ATF3: variants seen among roughly 807,000 people sequenced by gnomAD.
The protein encoded by ATF3 is activating transcription factor 3, also known as cyclic AMP-dependent transcription factor ATF-3.
ATF3 carries 10 observed loss-of-function variants against 18.4 expected under a neutral mutation model. That is an observed-to-expected ratio of 0.54 (90% CI 0.34 to 0.92). ATF3 has a LOEUF of 0.92. Ranked by LOEUF, ATF3 falls within the 40% of genes least tolerant of loss-of-function variation. The pLI is 0.02. For missense variants in ATF3, 183 were observed against 222.3 expected (o/e 0.82, Z 1.12); for synonymous variants, 78 against 87.9 (o/e 0.89, Z 0.63).
chr1:212,618,209 A>G lies in ATF3; in HGVS notation c.323A>G (p.Lys108Arg). The G allele has an allele frequency of 6.2e-7, 1 of 1,614,136 alleles. No individual in the cohort carries two copies. The highest frequency in any genetic ancestry group is 8.5e-7 in the Non-Finnish European group (1 of 1,179,970). Residue 108 changes from lysine (K) to arginine (R), a missense_variant, in exon 3 of 4, where the codon AAG becomes AGG. Lys to Arg is a conservative substitution (Grantham distance 26). Transcript: ENST00000341491. The surrounding 1 kb of genome is among the most constrained non-coding windows in gnomAD (Gnocchi z 4.4). The part of the protein sequence containing the change: ...IAAAKCRNKK[K>R]EKTECLQKES... ...GCTGCAAAGTGCCGAAACAAGAAGA[A>G]GGAGAAGACGGAGTGCCTGCAGAAA... is the stretch of plus-strand genomic sequence containing the variant.
chr1:212,571,190 T>A (rs184987634), intron 1 of ATF3, among the ~76,000 whole-genome samples: 49 of 152,338 alleles, frequency 3.2e-4, no homozygotes, highest in Non-Finnish European at 4.9e-4. Flanking sequence ...TATTGTAGTT[T>A]AAATTTGCAT....
chr1:212,611,664 T>G (rs1397748385), intron 1 of ATF3, among the ~76,000 whole-genome samples: 2 of 152,170 alleles, frequency 1.3e-5, no homozygotes. Context: ...CATAAGATGG[T>G]TAGCAAGCAA....
chr1:212,606,891 T>A (rs376524881), upstream of ATF3, among the ~76,000 whole-genome samples: 7 of 152,078 alleles, frequency 4.6e-5, no homozygotes, highest in African/African-American at 1.7e-4. Context: ...TGTGGAGGTG[T>A]GCTGAGCGGC....
chr1:212,611,166 T>A (rs1430392862), intron 1 of ATF3, among the ~76,000 whole-genome samples: 1 of 152,224 alleles, frequency 6.6e-6, no homozygotes, highest in Non-Finnish European at 1.5e-5. Context: ...TTGGTTCTCT[T>A]TCAAATATGT....
At position 212,578,393 on chromosome 1, in the gene ATF3, C is replaced by T. The variant is rs149599091; in HGVS notation, c.-5+12910C>T. Among the ~76,000 whole-genome samples the T allele has an allele frequency of 5.3e-3, 814 of 152,236 alleles. 8 individuals are homozygous for T. The highest frequency in any genetic ancestry group is 0.019 in the African/African-American group (775 of 41,538). On this transcript the variant is annotated intron_variant, in intron 1 of 3. Coordinates refer to the ATF3 transcript ENST00000366981. Reference sequence around the variant, plus strand: ...TTTTTAACTGACAGATGAAATGATACGTATTTATAGTGTACAATATGATCA... The same window carrying T: ...TTTTTAACTGACAGATGAAATGATATGTATTTATAGTGTACAATATGATCA...
At chr1:212,610,664 C>G (rs1321809742) in intron 1 of ATF3, among the ~76,000 whole-genome samples, 1 of 152,176 alleles carries the variant, frequency 6.6e-6, no homozygotes, top group East Asian at 1.9e-4. Flanking sequence ...ATTCCTTTTT[C>G]TCCATGGCCG....
chr1:212,618,591 T>C lies in ATF3; in HGVS notation c.348+357T>C, dbSNP rs1383790329. 1 of 399,592 alleles carries C rather than the reference T, an allele frequency of 2.5e-6. No homozygotes were observed. Among genetic ancestry groups the C allele is most frequent in the African/African-American group, 2.0e-5 (1 of 49,248 alleles). 24.8% of individuals were successfully genotyped at this position (399,592 alleles called of 1,614,324 possible). ...AGAAAAGGAAGCTGCCAGCTCTCAT[T>C]TGGCTCACTATGAAAAGCCTTTAAT... On this transcript the variant is annotated intron_variant, in intron 3 of 3. Transcript: ENST00000341491. The surrounding 1 kb of genome is among the most constrained non-coding windows in gnomAD (Gnocchi z 4.4).
intron 1 of ATF3, among the ~76,000 whole-genome samples, chr1:212,589,162 C>A (rs370827883): frequency 6.6e-6 from 1 of 152,116 alleles, no homozygotes; most frequent in Non-Finnish European, 1.5e-5. Flanking sequence ...CTAGCACACT[C>A]GGCATCACAG....
rs1255884922 is a variant in ATF3, at chr1:212,619,106, G to A, written c.349-252G>A. The A allele has an allele frequency of 3.1e-6, 5 of 1,614,114 alleles. No homozygotes were observed. The highest frequency in any genetic ancestry group is 3.4e-6 in the Non-Finnish European group (4 of 1,180,026). ...ATGGGCTGTTGACTCATGCAAATGA[G>A]GTATCTGAACTGCAGCTTCAGTATT... On this transcript the variant is annotated intron_variant, in intron 3 of 3. Transcript: ENST00000341491. This position sits in a 1 kb window ranked among gnomAD's most constrained non-coding sequence, Gnocchi z 4.4.
At chr1:212,609,406 G>A (rs554442495) in intron 1 of ATF3, among the ~76,000 whole-genome samples, 2 of 150,478 alleles carry the variant, frequency 1.3e-5, no homozygotes, top group East Asian at 2.0e-4. Context: ...AGGCACGAAG[G>A]CCGGAGGCTT....
At chr1:212,582,641 C>T (rs780565392) in intron 1 of ATF3, among the ~76,000 whole-genome samples, 15 of 152,206 alleles carry the variant, frequency 9.9e-5, no homozygotes, top group Non-Finnish European at 1.8e-4. Flanking sequence ...CCTTCTGAAA[C>T]ATGCCTGTGC....
chr1:212,613,933 A>G (rs1029886381), intron 1 of ATF3: 1 of 152,234 alleles, frequency 6.6e-6, no homozygotes, highest in African/African-American at 2.4e-5. Flanking sequence ...TAGCAAATAC[A>G]TCACTGAAGC....
At chr1:212,574,107 A>G (rs1664530439) in intron 1 of ATF3, among the ~76,000 whole-genome samples, 2 of 151,424 alleles carry the variant, frequency 1.3e-5, no homozygotes. Flanking sequence ...TTTTGTTGTC[A>G]TTGTTGTTTT....
chr1:212,574,421 TA>T (rs1408592760), intron 1 of ATF3, among the ~76,000 whole-genome samples: 2 of 152,078 alleles, frequency 1.3e-5, no homozygotes, highest in Non-Finnish European at 2.9e-5. Context: ...TTTTGTTTCT[TA>T]AAATATCTCT....
intron 1 of ATF3, among the ~76,000 whole-genome samples, chr1:212,571,786 A>G (rs1664487646): frequency 6.9e-6 from 1 of 143,902 alleles, no homozygotes; most frequent in Admixed American, 7.2e-5. Context: ...ATCTCGGCCC[A>G]CTGCAAGCTC....
chr1:212,612,674 A>C (rs142078356), intron 1 of ATF3, among the ~76,000 whole-genome samples: 30 of 152,366 alleles, frequency 2.0e-4, no homozygotes, highest in African/African-American at 6.7e-4. Flanking sequence ...GGCTTTGGGA[A>C]AAGAATTACA....
At chr1:212,586,534 G>C (rs1413899503) in intron 1 of ATF3, among the ~76,000 whole-genome samples, 4 of 152,114 alleles carry the variant, frequency 2.6e-5, no homozygotes, top group Admixed American at 2.0e-4. Context: ...TGACTACATC[G>C]GTATGAGTTT....
chr1:212,572,458 G>T (rs1664502956), intron 1 of ATF3, among the ~76,000 whole-genome samples: 2 of 152,192 alleles, frequency 1.3e-5, no homozygotes, highest in Non-Finnish European at 2.9e-5. Context: ...GGCGGAGGTT[G>T]CAGTGAGCTG....
chr1:212,618,221 A>G lies in ATF3; in HGVS notation c.335A>G (p.Glu112Gly). 1.2e-6 allele frequency: 2 copies of G among 1,614,092 alleles called. No individual in the cohort carries two copies. Among genetic ancestry groups the G allele is most frequent in the Non-Finnish European group, 1.7e-6 (2 of 1,179,948 alleles). Residue 112 changes from glutamate (E) to glycine (G), a missense_variant, in exon 3 of 4, where the codon GAG becomes GGG. Coordinates refer to ENST00000341491, the MANE Select transcript of ATF3 (RefSeq NM_001674.4). The surrounding 1 kb of genome is among the most constrained non-coding windows in gnomAD (Gnocchi z 4.4). ...KCRNKKKEKTECLQKESEKLE... is the reference protein window; with the variant it reads ...KCRNKKKEKTGCLQKESEKLE... ...CGAAACAAGAAGAAGGAGAAGACGG[A>G]GTGCCTGCAGAAAGTGAGTGCCTTC...
Sources: allele counts gnomAD v4.1 joint callset (sites outside exome capture counted in the v4.1 genomes callset), GRCh38; gene constraint gnomAD v4.1.1; non-coding constraint Gnocchi (gnomAD v3.1); transcripts MANE v1.5; gene names NCBI Gene and HGNC (gene_info 2026-07-23, HGNC 2026-07-21).